IMMP2L: variants seen among roughly 807,000 people sequenced by gnomAD.
IMMP2L encodes mitochondrial inner membrane protease subunit 2.
IMMP2L carries 18 observed loss-of-function variants against 19.3 expected under a neutral mutation model. The observed-to-expected ratio is 0.93, with a 90% CI of 0.64 to 1.38. IMMP2L has a LOEUF of 1.38. Among genes scored for constraint, IMMP2L ranks in the 40% most tolerant of loss-of-function variants. IMMP2L has a pLI of 0.00. For missense variants in IMMP2L, 233 were observed against 218.2 expected, an observed-to-expected ratio of 1.07 and a Z score of -0.43; for synonymous variants, 76 against 73.0, an observed-to-expected ratio of 1.04 and a Z score of -0.21.
intron 3 of IMMP2L, among the ~76,000 whole-genome samples, chr7:111,081,764 T>C (rs1311995134): frequency 6.6e-6 from 1 of 152,348 alleles, no homozygotes; most frequent in Non-Finnish European, 1.5e-5. Flanking sequence ...TATATGGGTG[T>C]AGAGGTGGCA....
rs564112845 is a variant in IMMP2L, at chr7:111,446,437, G to A, written c.239+40801C>T. 3.3e-5 allele frequency among the ~76,000 whole-genome samples: 5 copies of A among 149,728 alleles called. No individual in the cohort carries two copies. In the East Asian group the frequency reaches 7.7e-4, roughly 23 times the overall value. Reference sequence around the variant, plus strand: ...CAGCCTAACTGGGAGGCAGCCCCCAGCAGGGGCACACTGACACCTCACACG... The same window carrying A: ...CAGCCTAACTGGGAGGCAGCCCCCAACAGGGGCACACTGACACCTCACACG... On this transcript the variant is annotated intron_variant, in intron 3 of 5. Transcript: ENST00000405709.
intron 3 of IMMP2L, among the ~76,000 whole-genome samples, chr7:111,309,385 C>T (rs1196736325): frequency 6.6e-6 from 1 of 152,030 alleles, no homozygotes; most frequent in Non-Finnish European, 1.5e-5. Flanking sequence ...AGTAAATGAG[C>T]TCAAACCAGT....
chr7:111,446,347 C>T (rs1838410941), intron 3 of IMMP2L, among the ~76,000 whole-genome samples: 1 of 142,158 alleles, frequency 7.0e-6, no homozygotes, highest in Admixed American at 6.8e-5. Flanking sequence ...TCCCAGCACA[C>T]AGCTGGAGAT....
At chr7:110,958,643 C>A (rs1334904634) in intron 4 of IMMP2L, among the ~76,000 whole-genome samples, 1 of 151,994 alleles carries the variant, frequency 6.6e-6, no homozygotes, top group East Asian at 1.9e-4. Flanking sequence ...ACAAGGTATG[C>A]AGCAGATGAC....
chr7:110,797,599 C>T (rs1040916546), intron 5 of IMMP2L, among the ~76,000 whole-genome samples: 2 of 152,052 alleles, frequency 1.3e-5, no homozygotes, highest in African/African-American at 4.8e-5. Flanking sequence ...ACAGCAAGTT[C>T]GTGCTTGTAA....
chr7:111,192,373 T>C (rs1033175237), intron 3 of IMMP2L, among the ~76,000 whole-genome samples: 1 of 152,098 alleles, frequency 6.6e-6, no homozygotes, highest in African/African-American at 2.4e-5. Context: ...CATGTGTCAA[T>C]TAGTTTCAAA....
intron 1 of IMMP2L, among the ~76,000 whole-genome samples, chr7:111,557,464 T>C (rs1791508550): frequency 6.6e-6 from 1 of 152,194 alleles, no homozygotes; most frequent in Admixed American, 6.5e-5. Context: ...GTATACACTA[T>C]GTTCTCGTAA....
intron 3 of IMMP2L, among the ~76,000 whole-genome samples, chr7:111,256,713 C>A (rs1336325960): frequency 1.3e-5 from 2 of 151,982 alleles, no homozygotes; most frequent in African/African-American, 4.8e-5. Flanking sequence ...AGATTGAGTA[C>A]CCCAAAGGGA....
intron 3 of IMMP2L, among the ~76,000 whole-genome samples, chr7:111,454,113 T>C (rs890003128): frequency 2.0e-5 from 3 of 152,138 alleles, no homozygotes; most frequent in African/African-American, 7.2e-5. Context: ...TAAAAAACTT[T>C]GGACTTTTTG....
At chr7:111,396,208 C>A (rs140630330) in intron 3 of IMMP2L, among the ~76,000 whole-genome samples, 4 of 152,074 alleles carry the variant, frequency 2.6e-5, no homozygotes, top group African/African-American at 4.8e-5. Flanking sequence ...CACATGGACA[C>A]GTATGTTTAC....
rs1032007851 is a variant in IMMP2L at position 110,865,686 on chromosome 7, C to T, written c.408+20907G>A. ...TCAGGTAGGCAGCACCGATGAACCC[C>T]GAGAAAAGAAGTCACTGTAGAGATA... On this transcript the variant is annotated intron_variant, in intron 5 of 5. Transcript: ENST00000405709. Among the ~76,000 whole-genome samples, 9 of 151,892 alleles carry T rather than the reference C, an allele frequency of 5.9e-5. No homozygotes were observed. In the South Asian group the frequency reaches 6.2e-4, roughly 11 times the overall value.
At chr7:110,875,322 A>G (rs1257116355) in intron 5 of IMMP2L, among the ~76,000 whole-genome samples, 3 of 152,146 alleles carry the variant, frequency 2.0e-5, no homozygotes, top group Admixed American at 1.3e-4. Context: ...CATTAATTTA[A>G]TGGTAATTAT....
At chr7:111,176,339 T>C (rs1019304573) in intron 3 of IMMP2L, among the ~76,000 whole-genome samples, 2 of 152,032 alleles carry the variant, frequency 1.3e-5, no homozygotes, top group Non-Finnish European at 2.9e-5. Context: ...TGCAACATTA[T>C]TCACAATAAT....
intron 3 of IMMP2L, among the ~76,000 whole-genome samples, chr7:111,454,710 A>G (rs1040056813): frequency 6.6e-6 from 1 of 152,086 alleles, no homozygotes; most frequent in Non-Finnish European, 1.5e-5. Context: ...GTGTTTGTAG[A>G]TCCCTTAGTT....
At chr7:111,217,611 AAG>A (rs1812094277) in intron 3 of IMMP2L, among the ~76,000 whole-genome samples, 2 of 152,138 alleles carry the variant, frequency 1.3e-5, no homozygotes, top group South Asian at 2.1e-4. Flanking sequence ...TTGAGTCAGA[AAG>A]AGAATTGTGA....
intron 5 of IMMP2L, among the ~76,000 whole-genome samples, chr7:110,802,602 CT>C (rs1801339171): frequency 6.6e-6 from 1 of 151,954 alleles, no homozygotes; most frequent in East Asian, 1.9e-4. Context: ...AAGATACGGT[CT>C]TCTATTCAGA....
chr7:111,426,711 C>A (rs1411072709), intron 3 of IMMP2L, among the ~76,000 whole-genome samples: 1 of 151,198 alleles, frequency 6.6e-6, no homozygotes, highest in Non-Finnish European at 1.5e-5. Context: ...TCTAAGCAAC[C>A]TAACCAAAAT....
At chr7:111,257,345 G>A (rs566714290) in intron 3 of IMMP2L, among the ~76,000 whole-genome samples, 1 of 152,086 alleles carries the variant, frequency 6.6e-6, no homozygotes, top group African/African-American at 2.4e-5. Flanking sequence ...ACTGATTCAG[G>A]TCACCCGTTA....
intron 5 of IMMP2L, among the ~76,000 whole-genome samples, chr7:110,807,170 T>G (rs1584889838): frequency 6.6e-6 from 1 of 152,160 alleles, no homozygotes; most frequent in East Asian, 1.9e-4. Flanking sequence ...ATTCCTTGTA[T>G]GTGCTTACTC....
Sources: allele counts gnomAD v4.1 joint callset (sites outside exome capture counted in the v4.1 genomes callset), GRCh38; gene constraint gnomAD v4.1.1; transcripts MANE v1.5; gene names NCBI Gene and HGNC (gene_info 2026-07-23, HGNC 2026-07-21).